ANKS1B: variants seen among roughly 807,000 people sequenced by gnomAD.
The protein encoded by ANKS1B is ankyrin repeat and sterile alpha motif domain containing 1B.
Under a neutral mutation model 148.3 loss-of-function variants are expected in ANKS1B, and 36 were observed. The ratio of observed to expected loss-of-function variants is 0.24; its 90% CI spans 0.19 to 0.32. The LOEUF (loss-of-function observed/expected upper bound fraction) is 0.32. ANKS1B is among the 10% of genes least tolerant of loss of function. The probability of loss-of-function intolerance (pLI) is 1.00; values close to 1 mark genes in which losing one functional copy is unlikely to be tolerated. For missense variants in ANKS1B, 1,157 were observed against 1,542.6 expected, an observed-to-expected ratio of 0.75 and a Z score of 4.19; for synonymous variants, 542 against 560.8, an observed-to-expected ratio of 0.97 and a Z score of 0.47.
At chr12:99,457,830 G>A (rs551364729) in intron 10 of ANKS1B, among the ~76,000 whole-genome samples, 4 of 152,054 alleles carry the variant, frequency 2.6e-5, no homozygotes, top group African/African-American at 4.8e-5. Context: ...AATAATAGTC[G>A]GGGACTTCAA....
intron 14 of ANKS1B, among the ~76,000 whole-genome samples, chr12:99,220,866 C>A (rs1038230614): frequency 1.3e-5 from 2 of 152,038 alleles, no homozygotes; most frequent in African/African-American, 4.8e-5. Context: ...ATTCCTTATA[C>A]AACAGTAAAT....
intron 17 of ANKS1B, among the ~76,000 whole-genome samples, chr12:99,005,354 C>A (rs1480456651): frequency 6.6e-6 from 1 of 152,188 alleles, no homozygotes. Context: ...TCCTGTGCAG[C>A]TGCTCTCACC....
At chr12:99,829,294 C>T (rs560681335) in intron 1 of ANKS1B, among the ~76,000 whole-genome samples, 13 of 151,486 alleles carry the variant, frequency 8.6e-5, no homozygotes, top group South Asian at 2.1e-4. Context: ...GTGGATTACC[C>T]GAGTGAGGTC....
chr12:99,476,653 A>T lies in ANKS1B; in HGVS notation c.1438+27823T>A, dbSNP rs983111716. Among the ~76,000 whole-genome samples, 68 of 152,174 alleles carry T rather than the reference A, an allele frequency of 4.5e-4. 1 individual carries two copies. The highest frequency in any genetic ancestry group is 4.2e-3 in the Admixed American group (64 of 15,256). ...AAGTACTAATTCAAATAAAAATGTG[A>T]TATCTATTTTGCACTATCTTCACTG... On this transcript the variant is annotated intron_variant, in intron 10 of 26. Transcript: ENST00000683438.
intron 4 of ANKS1B, among the ~76,000 whole-genome samples, chr12:99,805,262 G>GGAAAAAAAAA (rs1567880890): frequency 1.2e-4 from 1 of 8,308 alleles, no homozygotes; most frequent in Non-Finnish European, 2.2e-4. Context: ...GGAGGAAAAG[G>GGAAAAAAAAA]CAAAAAAAAA....
intron 14 of ANKS1B, among the ~76,000 whole-genome samples, chr12:99,208,839 T>C (rs1278479590): frequency 6.6e-6 from 1 of 152,210 alleles, no homozygotes; most frequent in Non-Finnish European, 1.5e-5. Context: ...GAAAAGCTTT[T>C]TTTTAAACCT....
chr12:99,047,099 G>A (rs1029870424), intron 17 of ANKS1B, among the ~76,000 whole-genome samples: 3 of 152,078 alleles, frequency 2.0e-5, no homozygotes, highest in Non-Finnish European at 4.4e-5. Context: ...AATAAGGTGA[G>A]TAATAGAAAA....
chr12:99,659,469 TAAAG>T (rs2098465499), intron 8 of ANKS1B, among the ~76,000 whole-genome samples: 1 of 152,120 alleles, frequency 6.6e-6, no homozygotes, highest in Non-Finnish European at 1.5e-5. Context: ...TACACGGTAA[TAAAG>T]AAAGACTGGA....
chr12:99,772,258 TG>T (rs752247983), intron 8 of ANKS1B, among the ~76,000 whole-genome samples: 6 of 152,130 alleles, frequency 3.9e-5, no homozygotes, highest in Non-Finnish European at 7.4e-5. Context: ...CTTTCTTCTT[TG>T]TAAACTCTCA....
At chr12:99,449,248 G>A (rs955256307) in intron 10 of ANKS1B, among the ~76,000 whole-genome samples, 2 of 151,898 alleles carry the variant, frequency 1.3e-5, no homozygotes, top group Admixed American at 6.6e-5. Flanking sequence ...AAGTCTTTAC[G>A]GATCCATTTC....
At chr12:98,895,150 A>G in intron 17 of ANKS1B, 3 of 984,218 alleles carry the variant, frequency 3.0e-6, no homozygotes, top group Non-Finnish European at 3.6e-6. Flanking sequence ...GCGGACCCTC[A>G]CTGCGAGAGC....
At chr12:99,218,204 T>C (rs905029064) in intron 14 of ANKS1B, among the ~76,000 whole-genome samples, 2 of 152,168 alleles carry the variant, frequency 1.3e-5, no homozygotes, top group Non-Finnish European at 2.9e-5. Flanking sequence ...TTAAAAAAAG[T>C]CATTTTTCTC....
chr12:99,281,172 T>C (rs529598228), intron 12 of ANKS1B, among the ~76,000 whole-genome samples: 3 of 152,272 alleles, frequency 2.0e-5, no homozygotes, highest in African/African-American at 7.2e-5. Context: ...TCTACCTTCA[T>C]TGTACTGCAA....
chr12:99,246,193 C>T, intron 13 of ANKS1B, 82 bp downstream of exon 13: 3 of 1,100,504 alleles, frequency 2.7e-6, no homozygotes, highest in East Asian at 2.7e-5. Flanking sequence ...TTTGAAAGAG[C>T]TAAAAAGCTG....
chr12:99,400,237 G>A (rs559261275), intron 11 of ANKS1B, among the ~76,000 whole-genome samples: 1 of 112,652 alleles, frequency 8.9e-6, no homozygotes. Context: ...AATTAAGGCA[G>A]TTCCATTTTT....
intron 12 of ANKS1B, among the ~76,000 whole-genome samples, chr12:99,367,459 A>C (rs559551558): frequency 1.3e-5 from 2 of 152,306 alleles, no homozygotes; most frequent in East Asian, 3.9e-4. Flanking sequence ...AAGCTCTTTG[A>C]AAGAGAATTA....
chr12:99,465,602 A>T (rs534568942), intron 10 of ANKS1B, among the ~76,000 whole-genome samples: 52 of 152,268 alleles, frequency 3.4e-4, no homozygotes, highest in African/African-American at 1.2e-3. Context: ...AGGAAGATCT[A>T]CCAAGCAAAT....
At chr12:98,893,067 T>C (rs2099756034) in intron 17 of ANKS1B, among the ~76,000 whole-genome samples, 1 of 152,208 alleles carries the variant, frequency 6.6e-6, no homozygotes, top group South Asian at 2.1e-4. Context: ...TTCTGAAGGT[T>C]TTTTTAAAAA....
chr12:99,118,885 A>G (rs1566201759), intron 15 of ANKS1B, among the ~76,000 whole-genome samples: 1 of 152,142 alleles, frequency 6.6e-6, no homozygotes, highest in Non-Finnish European at 1.5e-5. Flanking sequence ...TCTCTTATGT[A>G]TGTTCAGAAG....
Sources: allele counts gnomAD v4.1 joint callset (sites outside exome capture counted in the v4.1 genomes callset), GRCh38; gene constraint gnomAD v4.1.1; transcripts MANE v1.5; gene names NCBI Gene and HGNC (gene_info 2026-07-23, HGNC 2026-07-21).